The following ARHGAP24 variants were observed in gnomAD, a reference collection of about 807,000 sequenced individuals.
ARHGAP24 encodes the protein Rho GTPase activating protein 24, also known as rho GTPase-activating protein 24.
A neutral mutation model predicts 76.4 loss-of-function variants in ARHGAP24; 50 were observed. The ratio of observed to expected loss-of-function variants is 0.65; its 90% confidence interval spans 0.52 to 0.83. The LOEUF (loss-of-function observed/expected upper bound fraction) is 0.83. ARHGAP24 is among the 40% of genes least tolerant of loss of function. The pLI, the probability that ARHGAP24 is intolerant of heterozygous loss-of-function variation, is 0.00. For missense variants in ARHGAP24, 930 were observed against 914.2 expected (o/e 1.02, Z -0.22); for synonymous variants, 345 against 323.3 (o/e 1.07, Z -0.72).
intron 9 of ARHGAP24, among the ~76,000 whole-genome samples, chr4:85,996,803 A>G (rs747662143): frequency 1.4e-4 from 21 of 152,162 alleles, no homozygotes; most frequent in Non-Finnish European, 2.5e-4. Context: ...ACCACTATGT[A>G]TTGGAATTCT....
chr4:85,551,454 A>G (rs1182650347), intron 1 of ARHGAP24, among the ~76,000 whole-genome samples: 1 of 152,122 alleles, frequency 6.6e-6, no homozygotes, highest in Admixed American at 6.6e-5. Flanking sequence ...GGATTTTTGC[A>G]TCTATGTGCA....
At chr4:85,674,605 A>C (rs1410587866) in intron 2 of ARHGAP24, among the ~76,000 whole-genome samples, 6 of 152,184 alleles carry the variant, frequency 3.9e-5, no homozygotes, top group Admixed American at 3.9e-4. Context: ...AGATATGGCA[A>C]GGATTAGAAC....
At chr4:85,959,022 G>A (rs891544658) in intron 5 of ARHGAP24, among the ~76,000 whole-genome samples, 2 of 152,176 alleles carry the variant, frequency 1.3e-5, no homozygotes, top group Non-Finnish European at 2.9e-5. Flanking sequence ...AAGGATTCAG[G>A]GCGAGTCCGT....
intron 2 of ARHGAP24, among the ~76,000 whole-genome samples, chr4:85,678,081 T>C (rs1723052393): frequency 1.3e-5 from 2 of 151,774 alleles, no homozygotes; most frequent in African/African-American, 2.4e-5. Flanking sequence ...AAAAAAAGGC[T>C]ATTCCTGGCC....
intron 3 of ARHGAP24, among the ~76,000 whole-genome samples, chr4:85,902,666 C>G (rs1055385952): frequency 2.6e-5 from 4 of 152,104 alleles, no homozygotes; most frequent in African/African-American, 9.7e-5. Context: ...TGCAATGGTG[C>G]GATTTTGGCT....
intron 3 of ARHGAP24, among the ~76,000 whole-genome samples, chr4:85,741,628 C>T (rs1189258971): frequency 6.6e-6 from 1 of 152,130 alleles, no homozygotes; most frequent in African/African-American, 2.4e-5. Context: ...GCCTCAGTTA[C>T]CTGGATGTGG....
intron 1 of ARHGAP24, among the ~76,000 whole-genome samples, chr4:85,532,282 C>A (rs762430118): frequency 3.9e-5 from 6 of 152,030 alleles, no homozygotes; most frequent in Non-Finnish European, 8.8e-5. Context: ...CTCTAGATGG[C>A]TTAAATGTAG....
At chr4:85,529,028 A>G (rs559024943) in intron 1 of ARHGAP24, among the ~76,000 whole-genome samples, 2 of 152,038 alleles carry the variant, frequency 1.3e-5, no homozygotes, top group Admixed American at 6.5e-5. Flanking sequence ...CATCTTGACT[A>G]CTCCTGAGCT....
At chr4:85,551,363 T>G (rs79228997) in intron 1 of ARHGAP24, among the ~76,000 whole-genome samples, 171 of 152,330 alleles carry the variant, frequency 1.1e-3, no homozygotes, top group African/African-American at 4.0e-3. Context: ...CAACCTTGCA[T>G]CCCAGGGATA....
At chr4:85,700,253 G>C (rs1273993167) in intron 2 of ARHGAP24, among the ~76,000 whole-genome samples, 1 of 152,080 alleles carries the variant, frequency 6.6e-6, no homozygotes, top group Non-Finnish European at 1.5e-5. Flanking sequence ...AAATTAGCCA[G>C]GTGTAAGGAT....
chr4:85,849,728 C>A, intron 3 of ARHGAP24, among the ~76,000 whole-genome samples: 1 of 152,022 alleles, frequency 6.6e-6, no homozygotes, highest in East Asian at 1.9e-4. Context: ...GTCTTTGGTT[C>A]TGTTTATGTG....
intron 2 of ARHGAP24, among the ~76,000 whole-genome samples, chr4:85,619,360 T>C (rs1428606441): frequency 6.6e-6 from 1 of 152,028 alleles, no homozygotes; most frequent in Non-Finnish European, 1.5e-5. Flanking sequence ...CTGTTTTGAT[T>C]GCTCTATATT....
intron 2 of ARHGAP24, among the ~76,000 whole-genome samples, chr4:85,695,272 A>G (rs1314961781): frequency 1.3e-5 from 2 of 152,230 alleles, no homozygotes; most frequent in African/African-American, 2.4e-5. Flanking sequence ...GTTCTCTGCT[A>G]CTTTCTAAAG....
chr4:85,644,292 G>A (rs1721639423), intron 2 of ARHGAP24, among the ~76,000 whole-genome samples: 1 of 152,126 alleles, frequency 6.6e-6, no homozygotes, highest in Admixed American at 6.5e-5. Flanking sequence ...TACTTGGAGG[G>A]AGGCAGCTTT....
intron 4 of ARHGAP24, among the ~76,000 whole-genome samples, chr4:85,937,179 A>AT (rs1736687194): frequency 6.6e-6 from 1 of 152,198 alleles, no homozygotes; most frequent in Admixed American, 6.5e-5. Flanking sequence ...GAAATACTGA[A>AT]TATCTAATCT....
At chr4:85,687,860 G>A (rs1488922050) in intron 2 of ARHGAP24, among the ~76,000 whole-genome samples, 1 of 151,838 alleles carries the variant, frequency 6.6e-6, no homozygotes, top group Admixed American at 6.6e-5. Flanking sequence ...TGCCCAGGCT[G>A]GAGTGCAGTG....
At chr4:85,722,993 T>C (rs1363217427) in intron 3 of ARHGAP24, among the ~76,000 whole-genome samples, 1 of 152,252 alleles carries the variant, frequency 6.6e-6, no homozygotes, top group Non-Finnish European at 1.5e-5. Context: ...TGTGAATTAA[T>C]GCAGCTGAAG....
chr4:85,958,135 G>A lies in ARHGAP24; in HGVS notation c.600-13901G>A, dbSNP rs77390349. ...CAGGCTTCCATGACAGAAAAATGTG[G>A]GACTAAATCTGCCACTTACTACCCA... On this transcript the variant is annotated intron_variant, in intron 5 of 9. Transcript: ENST00000395184. Among the ~76,000 whole-genome samples, 1,065 of 152,172 alleles carry A rather than the reference G, an allele frequency of 7.0e-3. 17 individuals carry two copies. Among genetic ancestry groups the A allele is most frequent in the East Asian group, 0.068 (353 of 5,184 alleles).
chr4:85,953,368 C>T (rs1578426498), intron 5 of ARHGAP24, among the ~76,000 whole-genome samples: 1 of 152,028 alleles, frequency 6.6e-6, no homozygotes, highest in South Asian at 2.1e-4. Context: ...AAAATAAAAG[C>T]CTAAAATTTA....
Sources: allele counts gnomAD v4.1 joint callset (sites outside exome capture counted in the v4.1 genomes callset), GRCh38; gene constraint gnomAD v4.1.1; transcripts MANE v1.5; gene names NCBI Gene and HGNC (gene_info 2026-07-23, HGNC 2026-07-21).